The following ATM variants were observed in gnomAD, a reference collection of about 807,000 sequenced individuals.
ATM encodes the protein ATM serine/threonine kinase.
ATM carries 308 observed loss-of-function variants against 387.0 expected under a neutral mutation model. The ratio of observed to expected loss-of-function variants is 0.80; its 90% CI spans 0.73 to 0.87. The LOEUF is 0.87. Ranked by LOEUF, ATM falls within the 40% of genes least tolerant of loss-of-function variation. The pLI is 0.00. For synonymous variants in ATM, 1,156 were observed against 1,187.3 expected (o/e 0.97, Z 0.54); for missense variants, 3,312 against 3,560.9 (o/e 0.93, Z 1.78).
chr11:108,312,177 CAT>C (rs1258523515), intron 39 of ATM, among the ~76,000 whole-genome samples: 15 of 152,138 alleles, frequency 9.9e-5, no homozygotes, highest in Admixed American at 7.9e-4. Context: ...TATAAATAAT[CAT>C]ATTTTTGCAT....
At chr11:108,240,146 A>G (rs2079484282) in intron 5 of ATM, among the ~76,000 whole-genome samples, 1 of 152,202 alleles carries the variant, frequency 6.6e-6, no homozygotes, top group Admixed American at 6.5e-5. Context: ...GGTGGTACAT[A>G]TGCTATGGAT....
intron 30 of ATM, 56 bp from the exon 31 acceptor site, chr11:108,293,257 G>T (rs2082905935): frequency 8.9e-7 from 1 of 1,124,568 alleles, no homozygotes; most frequent in Non-Finnish European, 1.3e-6. Flanking sequence ...AGTTTTGTTG[G>T]CTTACTTTAA....
intron 1 of ATM, chr11:108,225,430 C>G (rs560386249): frequency 9.9e-5 from 15 of 152,276 alleles, no homozygotes; most frequent in Admixed American, 3.9e-4. Context: ...AGAAGAGAAT[C>G]AGAGCCATCT....
intron 22 of ATM, among the ~76,000 whole-genome samples, chr11:108,277,248 G>T (rs1245152787): frequency 6.6e-6 from 1 of 152,156 alleles, no homozygotes; most frequent in African/African-American, 2.4e-5. Flanking sequence ...GTCGACTTCA[G>T]ACTGTTCTGC....
In ATM at chr11:108,293,462, C is replaced by G. The variant is rs769562370; in HGVS notation, c.4761C>G (p.Pro1587=). 2 of 1,611,512 alleles carry G rather than the reference C, an allele frequency of 1.2e-6. No homozygotes were observed. The highest frequency in any genetic ancestry group is 1.7e-6 in the Non-Finnish European group (2 of 1,178,238). The part of the protein sequence containing the change: ...TQQKIKYSRG[P]FSLLEEINHF... The stretch of plus-strand genomic sequence containing the variant: ...AAAAAATCAAATACAGTAGAGGACC[C>G]TTTTCACTCTTGGAGGTAATAAAAA... Residue 1587 remains proline (P), a synonymous_variant, in exon 31 of 63, where the codon CCC becomes CCG. Coordinates refer to ENST00000675843, the MANE Select transcript of ATM (RefSeq NM_000051.4).
At chr11:108,354,070 A>ACACACACACAC (rs2089570249) in intron 60 of ATM, among the ~76,000 whole-genome samples, 190 bp downstream of exon 60, 150 of 114,938 alleles carry the variant, frequency 1.3e-3, no homozygotes, top group African/African-American at 4.0e-3. Flanking sequence ...CACACACACA[A>ACACACACACAC]ACACACACAC....
chr11:108,259,184 C>G (rs945702952), intron 16 of ATM, 109 bp downstream of exon 16: 1 of 973,472 alleles, frequency 1.0e-6, no homozygotes, highest in Non-Finnish European at 1.6e-6. Context: ...TAGCTCTTAA[C>G]ATTTTTACAA....
chr11:108,280,589 C>T (rs1345447127), intron 23 of ATM, among the ~76,000 whole-genome samples: 2 of 151,990 alleles, frequency 1.3e-5, no homozygotes, highest in African/African-American at 2.4e-5. Flanking sequence ...GGGTATCCAT[C>T]CCCCAAACAA....
At chr11:108,293,130 T>C (rs2082897703) in intron 30 of ATM, among the ~76,000 whole-genome samples, 183 bp from the exon 31 acceptor site, 1 of 152,202 alleles carries the variant, frequency 6.6e-6, no homozygotes, top group South Asian at 2.1e-4. Flanking sequence ...CTTGTAGTAG[T>C]ACCTTACATA....
intron 16 of ATM, among the ~76,000 whole-genome samples, chr11:108,262,270 C>G (rs1340737423): frequency 6.6e-6 from 1 of 152,224 alleles, no homozygotes. Context: ...GCACATCAGA[C>G]TAACAGCGGA....
rs2137884884 is a variant in ATM at position 108,365,188 on chromosome 11, C to T, written c.8957C>T (p.Ala2986Val). ...DETELHPTLN[A>V]DDQECKRNLS... The stretch of plus-strand genomic sequence containing the variant: ...ACTGAGCTTCACCCTACTCTGAATG[C>T]AGATGACCAAGAATGCAAACGAAAT... Residue 2986 changes from alanine (A) to valine (V), a missense_variant, in exon 62 of 63, where the codon GCA becomes GTA. By Grantham distance (64) the Ala-to-Val change is moderately conservative. This residue lies in a region of ATM where 95 missense variants were observed against 100.3 expected (regional missense o/e 0.95). Transcript: ENST00000675843. 1 of 1,614,202 alleles carries T rather than the reference C, an allele frequency of 6.2e-7. No homozygotes were observed.
intron 18 of ATM, among the ~76,000 whole-genome samples, chr11:108,269,834 A>G (rs1284355699): frequency 6.6e-6 from 1 of 152,210 alleles, no homozygotes; most frequent in Non-Finnish European, 1.5e-5. Flanking sequence ...CCTTAGAGTG[A>G]GAAGACAAGT....
intron 26 of ATM, among the ~76,000 whole-genome samples, chr11:108,285,317 C>A (rs947727390): frequency 5.9e-4 from 58 of 98,920 alleles, no homozygotes; most frequent in Middle Eastern, 6.0e-3. Flanking sequence ...ATACATTTTT[C>A]TCTCTTTTTT....
intron 37 of ATM, among the ~76,000 whole-genome samples, chr11:108,305,573 C>T (rs571400683): frequency 6.6e-6 from 1 of 151,792 alleles, no homozygotes; most frequent in Non-Finnish European, 1.5e-5. Context: ...AACGACACAG[C>T]GAGACTGTCT....
chr11:108,267,164 C>T lies in ATM; in HGVS notation c.2467-7C>T, dbSNP rs768850329. 2.1e-5 allele frequency: 34 copies of T among 1,613,584 alleles called. No individual in the cohort carries two copies. The highest frequency in any genetic ancestry group is 2.5e-5 in the Non-Finnish European group (29 of 1,179,800). On this transcript the variant is annotated splice_region_variant and splice_polypyrimidine_tract_variant and intron_variant, in intron 16 of 62. Transcript: ENST00000675843. ...ATCTTGAACATCTTTGTTTCTCTTC[C>T]TTGAAGGCATCCTTCATCAAAAAGC...
At chr11:108,302,215 A>G (rs1421127611) in intron 35 of ATM, among the ~76,000 whole-genome samples, 1 of 152,094 alleles carries the variant, frequency 6.6e-6, no homozygotes, top group Non-Finnish European at 1.5e-5. Flanking sequence ...CCCTTTTTCC[A>G]TGTTGATATC....
At chr11:108,325,687 TC>T in intron 46 of ATM, 143 bp downstream of exon 46, 1 of 810,854 alleles carries the variant, frequency 1.2e-6, no homozygotes, top group Non-Finnish European at 1.9e-6. Flanking sequence ...GTTTAAGAGT[TC>T]CCATTTTGGA....
At position 108,295,154 on chromosome 11, in the gene ATM, A is replaced by G. The variant is rs1037910719; in HGVS notation, c.4909+95A>G. 7 of 1,492,896 alleles carry G rather than the reference A, an allele frequency of 4.7e-6. No homozygotes were observed. The African/African-American group carries it at 9.7e-5, about 21-fold the overall frequency. The allele number at this position is 1,492,896 out of a possible 1,614,324, so 92.5% of individuals were successfully genotyped here. A position where few individuals can be genotyped will look rare whatever the true frequency, so the allele number is the denominator to read the frequency against. The stretch of plus-strand genomic sequence containing the variant: ...CTCTTGGTTTCATTGTCACAGACTT[A>G]GTTCAGACTCTCATCATTTAGTTCA... On this transcript the variant is annotated intron_variant, in intron 32 of 62. Transcript: ENST00000675843.
chr11:108,367,457 C>G lies in ATM; in HGVS notation c.*1949C>G, dbSNP rs1469530298. The G allele has an allele frequency of 2.5e-5, 5 of 201,876 alleles. No individual in the cohort carries two copies. Among genetic ancestry groups the G allele is most frequent in the Non-Finnish European group, 5.1e-5 (5 of 98,272 alleles). The allele number at this position is 201,876 out of a possible 1,614,324, so 12.5% of individuals were successfully genotyped here. On this transcript the variant is annotated 3_prime_UTR_variant, in exon 63 of 63. Transcript: ENST00000675843. ...GTAGAAGTGGAACATTTCTCTGTCCCCCAGCTGTCATCATATAAGATAAAC... is the reference window on the plus strand; with the variant it reads ...GTAGAAGTGGAACATTTCTCTGTCCGCCAGCTGTCATCATATAAGATAAAC...
Sources: gnomAD v4.1 joint callset for allele counts (sites outside exome capture counted in the v4.1 genomes callset) on GRCh38, gnomAD v4.1.1 for gene constraint, gnomAD v4.1.1 regional missense constraint, MANE v1.5 for transcripts, NCBI Gene and HGNC (gene_info 2026-07-23, HGNC 2026-07-21) for gene names.